The following NCAN variants were observed in gnomAD, a reference collection of about 807,000 sequenced individuals.
NCAN encodes neurocan, also known as neurocan core protein.
In NCAN, 47 loss-of-function variants were observed where a neutral mutation model predicts 121.8. That is an observed-to-expected ratio of 0.39 (90% CI 0.31 to 0.49). The LOEUF (loss-of-function observed/expected upper bound fraction) is 0.49, where lower values mean the gene tolerates loss of function less well. Ranked by LOEUF, NCAN falls within the 20% of genes least tolerant of loss-of-function variation. The pLI is 0.92. For missense variants in NCAN, 1,517 were observed against 1,773.4 expected, an observed-to-expected ratio of 0.86 and a Z score of 2.60; for synonymous variants, 633 against 702.0, an observed-to-expected ratio of 0.90 and a Z score of 1.55.
chr19:19,248,624 C>A, intron 13 of NCAN, 76 bp from the exon 14 acceptor site: 1 of 1,462,544 alleles, frequency 6.8e-7, no homozygotes, highest in Non-Finnish European at 9.4e-7. Flanking sequence ...AACTCTGTCT[C>A]AAACAACAAC....
At chr19:19,234,927 G>A in intron 9 of NCAN, 56 bp from the exon 10 acceptor site, 2 of 1,144,466 alleles carry the variant, frequency 1.7e-6, no homozygotes, top group South Asian at 2.8e-5. Flanking sequence ...TTCCTGTGGG[G>A]GCTCAGAGCC....
intron 11 of NCAN, among the ~76,000 whole-genome samples, chr19:19,239,740 T>C (rs1316499531): frequency 2.0e-5 from 2 of 100,806 alleles, no homozygotes; most frequent in African/African-American, 4.0e-5. Context: ...CCAGGCCTCC[T>C]CCCTTCTACT....
intron 9 of NCAN, 51 bp downstream of exon 9, chr19:19,233,956 C>T (rs776483296): frequency 8.1e-7 from 1 of 1,232,066 alleles, no homozygotes; most frequent in Admixed American, 1.7e-5. Flanking sequence ...GACTCCAGAG[C>T]CTTGGGTTGT....
Position 19,245,333 on chromosome 19 carries a change from G to C in NCAN, c.3513G>C (p.Glu1171Asp), listed in dbSNP as rs759674850. The change falls in exon 13 of 15, where the codon GAG becomes GAC. Residue 1171 changes from glutamate to aspartate, a missense_variant. Coordinates refer to ENST00000252575, the MANE Select transcript of NCAN (RefSeq NM_004386.3). ...TGCAGCAATTTGAGAACTGGCGAGA[G>C]AACCAGCCGGACAATTTCTTCGCGG... ...NTGLQFENWR[E>D]NQPDNFFAGG... 2 of 1,614,214 alleles carry C rather than the reference G, an allele frequency of 1.2e-6. No homozygotes were observed.
At chr19:19,213,999 C>T (rs897730205) in intron 1 of NCAN, among the ~76,000 whole-genome samples, 4 of 152,118 alleles carry the variant, frequency 2.6e-5, no homozygotes, top group South Asian at 2.1e-4. Context: ...GTGCTCCACC[C>T]GGTGCACGGA....
chr19:19,241,256 C>G (rs112407494), intron 12 of NCAN, among the ~76,000 whole-genome samples: 5,836 of 148,926 alleles, frequency 0.039, 162 homozygotes, highest in South Asian at 0.11. Flanking sequence ...GAGATCCTGT[C>G]TCAAAAAAAA....
chr19:19,231,851 T>C (rs994139492), intron 8 of NCAN, among the ~76,000 whole-genome samples: 4 of 151,876 alleles, frequency 2.6e-5, no homozygotes, highest in Admixed American at 2.0e-4. Flanking sequence ...GCATGGTGGG[T>C]ACCTGTGGTC....
In NCAN at chr19:19,226,473, C is replaced by T. The variant is rs771122963; in HGVS notation, c.1073-13C>T. 75 of 1,549,274 alleles carry T rather than the reference C, an allele frequency of 4.8e-5. No homozygotes were observed. The Middle Eastern group carries it at 6.9e-4, about 14-fold the overall frequency. On this transcript the variant is annotated splice_polypyrimidine_tract_variant and intron_variant, in intron 6 of 14. Transcript: ENST00000252575. ...CCTGGGCCTAACACAACCTCTTCTG[C>T]TTTCTCCCACAGCTCATCACCCCAC...
At chr19:19,214,002 T>A (rs1326777555) in intron 1 of NCAN, among the ~76,000 whole-genome samples, 3 of 152,040 alleles carry the variant, frequency 2.0e-5, no homozygotes, top group Non-Finnish European at 4.4e-5. Context: ...CTCCACCCGG[T>A]GCACGGAGCT....
rs762424773 is a variant in NCAN, at chr19:19,248,698, A to C, written c.3638-2A>C. On this transcript the variant is annotated splice_acceptor_variant, in intron 13 of 14. Transcript: ENST00000252575. LOFTEE classifies it high-confidence loss of function. ...CTCTCACTAGAGATTCCTCTGTCCC[A>C]GTGCTCTGTGGTCCCCCTCCGGCAG... 3.1e-6 allele frequency: 5 copies of C among 1,613,702 alleles called. No homozygotes were observed. The highest frequency in any genetic ancestry group is 4.2e-6 in the Non-Finnish European group (5 of 1,179,700).
chr19:19,245,718 T>A (rs528632464), intron 13 of NCAN, among the ~76,000 whole-genome samples: 5 of 152,158 alleles, frequency 3.3e-5, no homozygotes, highest in Non-Finnish European at 7.3e-5. Flanking sequence ...GCTCAAGCGA[T>A]CTGCCTGTCT....
rs1262222406 is a variant in NCAN at position 19,238,427 on chromosome 19, AG to A, written c.3409+21del. 2 of 1,613,650 alleles carry A rather than the reference AG, an allele frequency of 1.2e-6. No homozygotes were observed. The highest frequency in any genetic ancestry group is 2.2e-5 in the East Asian group (1 of 44,890). On this transcript the variant is annotated intron_variant, in intron 11 of 14. Coordinates refer to ENST00000252575, the MANE Select transcript of NCAN (RefSeq NM_004386.3). ...TTCATTAATAGTAGGGGCTCTGGGG[AG>A]GGGGCCACCTGCCTGGAGGGTGGGC...
In NCAN at chr19:19,212,865, A is replaced by C. The variant is rs1466702855; in HGVS notation, c.-8+801A>C. On this transcript the variant is annotated intron_variant, in intron 1 of 14. Coordinates refer to ENST00000252575, the MANE Select transcript of NCAN (RefSeq NM_004386.3). This position sits in a 1 kb window ranked among gnomAD's most constrained non-coding sequence, Gnocchi z 4.5. ...CTCAGAGGGGGGGCTGTCCCCCAGC[A>C]CCTTCACAGCCTCCCACGTCCTTAC... 6.6e-6 allele frequency among the ~76,000 whole-genome samples: 1 copy of C among 152,104 alleles called. No homozygotes were observed. Among genetic ancestry groups the C allele is most frequent in the Non-Finnish European group, 1.5e-5 (1 of 67,980 alleles).
chr19:19,226,946 C>T lies in NCAN; in HGVS notation c.1533C>T (p.Pro511=), dbSNP rs146542594. 1 of 1,573,956 alleles carries T rather than the reference C, an allele frequency of 6.4e-7. No individual in the cohort carries two copies. Among genetic ancestry groups the T allele is most frequent in the South Asian group, 1.2e-5 (1 of 85,456 alleles). ...GGATGGAGGCCAGCGCCCAGCCCCC[C>T]ACCTCAGAGGCTGCAGTGAACCAAA... ...QGGMEASAQP[P]TSEAAVNQME... is the part of the protein sequence containing the mutation. The change falls in exon 7 of 15, where the codon CCC becomes CCT. Residue 511 remains proline (P), a synonymous_variant. Transcript: ENST00000252575.
chr19:19,239,638 C>G, intron 11 of NCAN, among the ~76,000 whole-genome samples: 1 of 107,622 alleles, frequency 9.3e-6, no homozygotes, highest in South Asian at 3.8e-4. Context: ...CCTTCCCTCC[C>G]CCTCCTCCTT....
In NCAN at chr19:19,228,832, C is replaced by T. The variant is rs754906534; in HGVS notation, c.3019+193C>T. ...AGAAAGGACATTCCTGGCAGAGGAACGAGCACTGGCAAAGGCCAGGAGATG... is the reference window on the plus strand; with the variant it reads ...AGAAAGGACATTCCTGGCAGAGGAATGAGCACTGGCAAAGGCCAGGAGATG... On this transcript the variant is annotated intron_variant, in intron 8 of 14. Coordinates refer to ENST00000252575, the MANE Select transcript of NCAN (RefSeq NM_004386.3). Among the ~76,000 whole-genome samples the T allele has an allele frequency of 9.2e-5, 14 of 152,312 alleles. 1 individual carries two copies. The highest frequency in any genetic ancestry group is 7.4e-5 in the Non-Finnish European group (5 of 68,022).
chr19:19,217,748 A>T (rs573378686), intron 2 of NCAN, among the ~76,000 whole-genome samples: 15 of 152,312 alleles, frequency 9.8e-5, no homozygotes, highest in African/African-American at 3.4e-4. Context: ...GCACTTTGGG[A>T]GGCTGAGGCA....
At chr19:19,224,461 C>T (rs1259402584) in intron 5 of NCAN, 28 bp downstream of exon 5, 4 of 1,605,378 alleles carry the variant, frequency 2.5e-6, no homozygotes, top group Admixed American at 3.4e-5. Context: ...AGGACCCGGC[C>T]CCTCCGCCTC....
intron 6 of NCAN, 142 bp from the exon 7 acceptor site, chr19:19,226,344 G>A (rs371337263): frequency 1.5e-5 from 10 of 661,056 alleles, no homozygotes; most frequent in African/African-American, 1.4e-4. Flanking sequence ...TCCCAGGCTG[G>A]GGGAATCTCA....
Sources: gnomAD v4.1 joint callset for allele counts (sites outside exome capture counted in the v4.1 genomes callset) on GRCh38, gnomAD v4.1.1 for gene constraint, Gnocchi (gnomAD v3.1) non-coding constraint, MANE v1.5 for transcripts, NCBI Gene and HGNC (gene_info 2026-07-23, HGNC 2026-07-21) for gene names.